The following GNAQ variants were observed in gnomAD, a reference collection of about 807,000 sequenced individuals.
GNAQ encodes the protein guanine nucleotide-binding protein G(q) subunit alpha.
GNAQ carries 8 observed loss-of-function variants against 43.9 expected under a neutral mutation model. That is an observed-to-expected ratio of 0.18 (90% CI 0.11 to 0.33). GNAQ has a LOEUF of 0.33. GNAQ is among the 10% of genes least tolerant of loss of function. The pLI, the probability that GNAQ is intolerant of heterozygous loss-of-function variation, is 1.00. For synonymous variants in GNAQ, 155 were observed against 170.7 expected, an observed-to-expected ratio of 0.91 and a Z score of 0.71; for missense variants, 158 against 450.8, an observed-to-expected ratio of 0.35 and a Z score of 5.88.
chr9:77,886,255 G>A (rs1828303669), intron 2 of GNAQ, among the ~76,000 whole-genome samples: 1 of 152,112 alleles, frequency 6.6e-6, no homozygotes, highest in Non-Finnish European at 1.5e-5. Context: ...TTACAGGTGT[G>A]AGCCACCACG....
At chr9:77,797,313 G>A (rs1443450548) in intron 4 of GNAQ, among the ~76,000 whole-genome samples, 3 of 152,270 alleles carry the variant, frequency 2.0e-5, no homozygotes, top group East Asian at 1.9e-4. Flanking sequence ...GATAACAGGC[G>A]TGAGCCACCG....
At chr9:77,969,606 C>T (rs1823211124) in intron 1 of GNAQ, among the ~76,000 whole-genome samples, 1 of 152,156 alleles carries the variant, frequency 6.6e-6, no homozygotes, top group Non-Finnish European at 1.5e-5. Context: ...TTTACTAATA[C>T]ACTAACAGTT....
intron 1 of GNAQ, among the ~76,000 whole-genome samples, chr9:77,985,660 C>T (rs1046551118): frequency 6.6e-6 from 1 of 152,158 alleles, no homozygotes; most frequent in African/African-American, 2.4e-5. Flanking sequence ...TCTCGGCTTA[C>T]TGCAATCTCT....
At chr9:77,975,536 C>CTTTT (rs34636918) in intron 1 of GNAQ, among the ~76,000 whole-genome samples, 7 of 115,270 alleles carry the variant, frequency 6.1e-5, no homozygotes, top group Admixed American at 9.7e-5. Context: ...TCAGCCCCCC[C>CTTTT]TTTTTTTTTT....
intron 2 of GNAQ, among the ~76,000 whole-genome samples, chr9:77,906,930 G>A (rs1828718993): frequency 6.6e-6 from 1 of 152,108 alleles, no homozygotes; most frequent in Non-Finnish European, 1.5e-5. Flanking sequence ...ATAAAATCCA[G>A]TGGCTTTCTC....
At chr9:77,760,904 G>A (rs1825994892) in intron 5 of GNAQ, among the ~76,000 whole-genome samples, 3 of 147,056 alleles carry the variant, frequency 2.0e-5, no homozygotes, top group Non-Finnish European at 4.5e-5. Context: ...TCGCGACCCC[G>A]TCTGGGAGGT....
intron 1 of GNAQ, among the ~76,000 whole-genome samples, chr9:77,989,287 TGCC>T (rs1823479948): frequency 5.3e-5 from 8 of 152,314 alleles, no homozygotes; most frequent in Admixed American, 2.6e-4. Flanking sequence ...ATTAAACATT[TGCC>T]AGCAAAGGCC....
At chr9:77,803,335 G>C (rs1826776792) in intron 3 of GNAQ, among the ~76,000 whole-genome samples, 1 of 152,200 alleles carries the variant, frequency 6.6e-6, no homozygotes, top group African/African-American at 2.4e-5. Context: ...GTCCTGGCTA[G>C]AGAATGACAA....
intron 2 of GNAQ, among the ~76,000 whole-genome samples, chr9:77,852,165 G>A (rs1170368905): frequency 6.6e-6 from 1 of 152,146 alleles, no homozygotes; most frequent in East Asian, 1.9e-4. Flanking sequence ...CAGCCAAGTC[G>A]GTTAGGCAAG....
rs370731606 is a variant in GNAQ at position 77,782,155 on chromosome 9, T to C, written c.735+12308A>G. 2.3e-4 allele frequency among the ~76,000 whole-genome samples: 35 copies of C among 152,120 alleles called. 3 individuals carry two copies. The highest frequency in any genetic ancestry group is 8.4e-4 in the African/African-American group (35 of 41,506). On this transcript the variant is annotated intron_variant, in intron 5 of 6. Coordinates refer to ENST00000286548, the MANE Select transcript of GNAQ (RefSeq NM_002072.5). ...GTAACTAACCTGCACAATGTGCACA[T>C]GTACCCTAAAACTTAAAGTATAATA...
chr9:77,965,838 CAA>C (rs34650547), intron 1 of GNAQ, among the ~76,000 whole-genome samples: 70 of 129,912 alleles, frequency 5.4e-4, no homozygotes, highest in Admixed American at 7.7e-4. Context: ...TTACTCCGAG[CAA>C]AAAAAAAAAA....
intron 2 of GNAQ, among the ~76,000 whole-genome samples, chr9:77,840,468 C>G (rs569150199): frequency 2.5e-4 from 38 of 151,774 alleles, no homozygotes; most frequent in Non-Finnish European, 4.3e-4. Flanking sequence ...TCCCAAGTAG[C>G]TGGGATTACA....
At chr9:77,936,405 T>C (rs1157344670) in intron 1 of GNAQ, among the ~76,000 whole-genome samples, 1 of 152,160 alleles carries the variant, frequency 6.6e-6, no homozygotes, top group Non-Finnish European at 1.5e-5. Flanking sequence ...AAAAATAACA[T>C]TGGAGGAAGC....
chr9:77,833,852 T>C (rs1827340331), intron 2 of GNAQ, among the ~76,000 whole-genome samples: 1 of 152,174 alleles, frequency 6.6e-6, no homozygotes, highest in Non-Finnish European at 1.5e-5. Flanking sequence ...GCTGATCCAA[T>C]AGTTAAAGTA....
chr9:77,810,974 C>T (rs10869974), intron 3 of GNAQ, among the ~76,000 whole-genome samples: 80,644 of 151,988 alleles, frequency 0.53, 24,435 homozygotes, highest in Non-Finnish European at 0.68. Context: ...AGAAGACAGG[C>T]ATGCTTGGCC....
At chr9:77,766,822 T>C (rs1341934161) in intron 5 of GNAQ, among the ~76,000 whole-genome samples, 1 of 152,182 alleles carries the variant, frequency 6.6e-6, no homozygotes, top group Non-Finnish European at 1.5e-5. Flanking sequence ...TCTGAGTGAA[T>C]GCCCTTTGCT....
chr9:77,746,094 G>GTGTTT, intron 5 of GNAQ, among the ~76,000 whole-genome samples: 1 of 152,280 alleles, frequency 6.6e-6, no homozygotes, highest in Non-Finnish European at 1.5e-5. Context: ...CTATGAAATA[G>GTGTTT]TGTTTTCAGA....
chr9:77,942,344 A>T (rs1829327757), intron 1 of GNAQ, among the ~76,000 whole-genome samples: 1 of 152,174 alleles, frequency 6.6e-6, no homozygotes, highest in Non-Finnish European at 1.5e-5. Flanking sequence ...ATATGAAGGA[A>T]TTTGAATATT....
intron 1 of GNAQ, among the ~76,000 whole-genome samples, chr9:77,973,414 C>G (rs542143991): frequency 1.3e-5 from 2 of 152,306 alleles, no homozygotes; most frequent in African/African-American, 4.8e-5. Flanking sequence ...CCCAAAAAAG[C>G]AGGTCTAACG....
Sources: allele counts gnomAD v4.1 joint callset (sites outside exome capture counted in the v4.1 genomes callset), GRCh38; gene constraint gnomAD v4.1.1; transcripts MANE v1.5; gene names NCBI Gene and HGNC (gene_info 2026-07-23, HGNC 2026-07-21).